CADM2: variants seen among roughly 807,000 people sequenced by gnomAD.
CADM2 encodes the protein cell adhesion molecule 2.
In CADM2, 12 loss-of-function variants were observed where a neutral mutation model predicts 49.8. The ratio of observed to expected loss-of-function variants is 0.24; its 90% CI spans 0.15 to 0.39. The LOEUF (loss-of-function observed/expected upper bound fraction) is 0.39, where lower values mean the gene tolerates loss of function less well. CADM2 is among the 10% of genes least tolerant of loss of function. The probability of loss-of-function intolerance (pLI) is 1.00; values close to 1 mark genes in which losing one functional copy is unlikely to be tolerated. For synonymous variants in CADM2, 214 were observed against 175.4 expected (o/e 1.22, Z -1.74); for missense variants, 378 against 492.3 (o/e 0.77, Z 2.20).
chr3:86,066,236 G>A (rs961561104), intron 9 of CADM2, among the ~76,000 whole-genome samples: 1 of 148,374 alleles, frequency 6.7e-6, no homozygotes, highest in African/African-American at 2.5e-5. Flanking sequence ...GGGAGGCTGA[G>A]GCAGGAGAAT....
intron 3 of CADM2, among the ~76,000 whole-genome samples, chr3:85,869,888 C>T (rs1173625510): frequency 6.6e-6 from 1 of 152,108 alleles, no homozygotes; most frequent in Non-Finnish European, 1.5e-5. Context: ...GTATTGATCT[C>T]CTGACCTCGT....
At chr3:85,611,751 G>A (rs143090709) in intron 1 of CADM2, among the ~76,000 whole-genome samples, 40 of 150,686 alleles carry the variant, frequency 2.7e-4, no homozygotes, top group African/African-American at 8.5e-4. Flanking sequence ...TTGGTAAGCC[G>A]TTGAAGCACA....
chr3:85,163,039 A>G (rs1486861106), intron 1 of CADM2, among the ~76,000 whole-genome samples: 2 of 152,100 alleles, frequency 1.3e-5, no homozygotes, highest in African/African-American at 2.4e-5. Context: ...CAAACTTAAC[A>G]TGTAAATTTG....
chr3:85,892,372 T>A (rs894608898), intron 5 of CADM2, among the ~76,000 whole-genome samples: 1 of 152,138 alleles, frequency 6.6e-6, no homozygotes, highest in Admixed American at 6.5e-5. Flanking sequence ...CAAATTATAA[T>A]ATGTTCATGA....
intron 1 of CADM2, among the ~76,000 whole-genome samples, chr3:85,341,514 A>G (rs944949966): frequency 1.2e-4 from 18 of 151,988 alleles, no homozygotes; most frequent in Admixed American, 9.2e-4. Context: ...TCATATATAG[A>G]TCACATATAG....
chr3:85,652,296 G>A (rs2065065968), intron 1 of CADM2, among the ~76,000 whole-genome samples: 1 of 152,090 alleles, frequency 6.6e-6, no homozygotes, highest in Non-Finnish European at 1.5e-5. Context: ...GTTAGCGTGT[G>A]ATATCTGCGT....
chr3:85,466,532 T>G (rs2107599938), intron 1 of CADM2, among the ~76,000 whole-genome samples: 1 of 152,298 alleles, frequency 6.6e-6, no homozygotes, highest in East Asian at 1.9e-4. Context: ...AACTCTAGCT[T>G]GACTGCTACA....
At chr3:85,557,547 A>G (rs527784972) in intron 1 of CADM2, among the ~76,000 whole-genome samples, 1 of 151,910 alleles carries the variant, frequency 6.6e-6, no homozygotes, top group Admixed American at 6.6e-5. Flanking sequence ...TTTAATAATG[A>G]AATATAAATT....
intron 7 of CADM2, among the ~76,000 whole-genome samples, chr3:85,941,383 C>G: frequency 6.6e-6 from 1 of 152,124 alleles, no homozygotes; most frequent in Non-Finnish European, 1.5e-5. Flanking sequence ...CATTTCAGGA[C>G]AGTGGGTCTG....
At chr3:85,978,382 G>A (rs1295896779) in intron 8 of CADM2, among the ~76,000 whole-genome samples, 1 of 151,540 alleles carries the variant, frequency 6.6e-6, no homozygotes, top group East Asian at 1.9e-4. Flanking sequence ...TGGATTAGAG[G>A]TTCAATGTTA....
intron 1 of CADM2, among the ~76,000 whole-genome samples, chr3:85,241,286 T>G (rs1442733729): frequency 6.6e-6 from 1 of 151,490 alleles, no homozygotes; most frequent in Non-Finnish European, 1.5e-5. Flanking sequence ...GCCTAGATTA[T>G]GATAGGACAT....
intron 2 of CADM2, among the ~76,000 whole-genome samples, chr3:85,746,094 G>C (rs866862421): frequency 6.6e-6 from 1 of 152,242 alleles, no homozygotes; most frequent in South Asian, 2.1e-4. Context: ...TAAAAGGATG[G>C]AGTTTTTTAT....
At chr3:85,350,878 T>C (rs542396333) in intron 1 of CADM2, among the ~76,000 whole-genome samples, 2 of 152,136 alleles carry the variant, frequency 1.3e-5, no homozygotes, top group Non-Finnish European at 2.9e-5. Flanking sequence ...TAGTTTAAAA[T>C]AAGGGGTATT....
At chr3:85,979,343 T>G in intron 8 of CADM2, 1 of 1,561,244 alleles carries the variant, frequency 6.4e-7, no homozygotes. Context: ...CTGTAGAAGT[T>G]TTTAGAAAGG....
intron 3 of CADM2, chr3:85,805,420 T>C (rs909691145): frequency 3.3e-5 from 5 of 152,198 alleles, no homozygotes; most frequent in South Asian, 2.1e-4. Context: ...ACAGAGAGCA[T>C]TGAAGAAAGA....
intron 1 of CADM2, among the ~76,000 whole-genome samples, chr3:85,109,043 T>C (rs1407300615): frequency 6.6e-6 from 1 of 152,094 alleles, no homozygotes; most frequent in African/African-American, 2.4e-5. Flanking sequence ...TTTAACAAGT[T>C]TATTTATTAC....
chr3:86,059,612 A>G (rs961720819), intron 8 of CADM2, among the ~76,000 whole-genome samples: 1 of 152,210 alleles, frequency 6.6e-6, no homozygotes, highest in African/African-American at 2.4e-5. Flanking sequence ...ATGATCTTTA[A>G]CAATACATGA....
chr3:85,871,539 A>G (rs1439423423), intron 3 of CADM2, among the ~76,000 whole-genome samples: 3 of 152,164 alleles, frequency 2.0e-5, no homozygotes, highest in Admixed American at 2.0e-4. Flanking sequence ...TGGGTGAGTT[A>G]CTGAACCTCT....
At chr3:85,195,460 C>T (rs2041319717) in intron 1 of CADM2, among the ~76,000 whole-genome samples, 1 of 151,698 alleles carries the variant, frequency 6.6e-6, no homozygotes, top group African/African-American at 2.4e-5. Flanking sequence ...AAGCTATGAC[C>T]TCACCTGTGA....
Sources: allele counts gnomAD v4.1 joint callset (sites outside exome capture counted in the v4.1 genomes callset), GRCh38; gene constraint gnomAD v4.1.1; transcripts MANE v1.5; gene names NCBI Gene and HGNC (gene_info 2026-07-23, HGNC 2026-07-21).